The following KAZN variants were observed in gnomAD, a reference collection of about 807,000 sequenced individuals.
The protein encoded by KAZN is kazrin, periplakin interacting protein.
In KAZN, 40 loss-of-function variants were observed where a neutral mutation model predicts 87.4. The observed-to-expected ratio is 0.46, with a 90% CI of 0.36 to 0.60. The LOEUF (loss-of-function observed/expected upper bound fraction) is 0.60. KAZN is among the 20% of genes least tolerant of loss of function. The pLI is 0.00. For synonymous variants in KAZN, 466 were observed against 458.3 expected (o/e 1.02, Z -0.22); for missense variants, 898 against 1,073.9 (o/e 0.84, Z 2.29).
At chr1:14,395,634 G>T (rs1011837336) in intron 2 of KAZN, among the ~76,000 whole-genome samples, 1 of 152,160 alleles carries the variant, frequency 6.6e-6, no homozygotes, top group African/African-American at 2.4e-5. Context: ...GTCCCCTGCT[G>T]GTGCCCTTCA....
At chr1:14,701,286 A>G (rs529042729) in intron 1 of KAZN, among the ~76,000 whole-genome samples, 35 of 152,196 alleles carry the variant, frequency 2.3e-4, no homozygotes, top group African/African-American at 7.9e-4. Flanking sequence ...ATGCCTGGCT[A>G]ATTTTTAAAA....
chr1:14,518,475 C>A (rs567020294), intron 2 of KAZN, among the ~76,000 whole-genome samples: 2 of 152,222 alleles, frequency 1.3e-5, no homozygotes, highest in Non-Finnish European at 2.9e-5. Context: ...CTGCACCCAG[C>A]CTGTTTGAAA....
At position 15,066,490 on chromosome 1, in the gene KAZN, G is replaced by A. The variant is rs995387346; in HGVS notation, c.1222+737G>A. The A allele has an allele frequency of 1.0e-6, 1 of 985,292 alleles. No individual in the cohort carries two copies. The highest frequency in any genetic ancestry group is 1.7e-5 in the African/African-American group (1 of 57,222). 61.0% of individuals were successfully genotyped at this position (985,292 alleles called of 1,614,324 possible). A position where few individuals can be genotyped will look rare whatever the true frequency, so the allele number is the denominator to read the frequency against. On this transcript the variant is annotated intron_variant, in intron 8 of 14. Coordinates refer to ENST00000376030, the MANE Select transcript of KAZN (RefSeq NM_201628.3). The surrounding 1 kb of genome is among the most constrained non-coding windows in gnomAD (Gnocchi z 4.3). Reference sequence around the variant, plus strand: ...AAGGGGCCTTGTCTTGGCTGGGTTTGTCAGAGGTCAAACCGGCTCTTTTAA... The same window carrying A: ...AAGGGGCCTTGTCTTGGCTGGGTTTATCAGAGGTCAAACCGGCTCTTTTAA...
chr1:14,851,285 C>T (rs1200713633), intron 1 of KAZN, among the ~76,000 whole-genome samples: 1 of 152,178 alleles, frequency 6.6e-6, no homozygotes, highest in Non-Finnish European at 1.5e-5. Context: ...GCCCAAGACG[C>T]CGGCTGATGG....
chr1:14,866,961 A>G (rs2101041528), intron 1 of KAZN, among the ~76,000 whole-genome samples: 1 of 152,334 alleles, frequency 6.6e-6, no homozygotes, highest in East Asian at 1.9e-4. Flanking sequence ...GAATGCTGTT[A>G]TTGTCATGGC....
intron 2 of KAZN, among the ~76,000 whole-genome samples, chr1:14,547,234 G>A (rs1557791294): frequency 6.6e-6 from 1 of 152,028 alleles, no homozygotes; most frequent in Non-Finnish European, 1.5e-5. Context: ...TTTGGCCTAT[G>A]TCCTGCCTAT....
At chr1:14,420,401 G>A (rs1027614877) in intron 2 of KAZN, among the ~76,000 whole-genome samples, 6 of 152,162 alleles carry the variant, frequency 3.9e-5, no homozygotes, top group African/African-American at 1.2e-4. Context: ...GTACCCACCC[G>A]ACTCAGGGGC....
chr1:13,906,130 C>A (rs554093829), intron 1 of KAZN, among the ~76,000 whole-genome samples: 2 of 152,184 alleles, frequency 1.3e-5, no homozygotes, highest in Non-Finnish European at 2.9e-5. Context: ...AAAAAAGAGA[C>A]CCTTGTCCCA....
intron 1 of KAZN, among the ~76,000 whole-genome samples, chr1:14,837,839 G>A (rs905417200): frequency 6.6e-6 from 1 of 152,146 alleles, no homozygotes; most frequent in Admixed American, 6.5e-5. Flanking sequence ...ACAGGCGTGA[G>A]CCATGGCACC....
chr1:14,657,209 G>A (rs558033056), intron 1 of KAZN, among the ~76,000 whole-genome samples: 6 of 149,238 alleles, frequency 4.0e-5, no homozygotes, highest in East Asian at 2.0e-4. Context: ...CAGGCTCCCC[G>A]AGTAGCTGGG....
At chr1:14,381,252 T>C (rs1311778870) in intron 2 of KAZN, among the ~76,000 whole-genome samples, 1 of 152,132 alleles carries the variant, frequency 6.6e-6, no homozygotes, top group Non-Finnish European at 1.5e-5. Flanking sequence ...CACTCAGATA[T>C]ATAAAGCAAA....
At chr1:14,245,714 G>C (rs1649436729) in intron 2 of KAZN, among the ~76,000 whole-genome samples, 1 of 152,134 alleles carries the variant, frequency 6.6e-6, no homozygotes, top group Non-Finnish European at 1.5e-5. Flanking sequence ...CCCACCAGCT[G>C]TGTTCCTGTT....
chr1:14,985,898 G>C (rs551665670), intron 2 of KAZN, among the ~76,000 whole-genome samples: 1 of 150,938 alleles, frequency 6.6e-6, no homozygotes, highest in South Asian at 2.1e-4. Flanking sequence ...AGCTACTCAC[G>C]AGGCTGAGGC....
chr1:14,718,524 G>A (rs1054599134), intron 1 of KAZN, among the ~76,000 whole-genome samples: 5 of 152,340 alleles, frequency 3.3e-5, no homozygotes, highest in African/African-American at 1.2e-4. Flanking sequence ...AGGCTCTTGC[G>A]AGAATAATTT....
chr1:14,448,134 C>T (rs988670616), intron 2 of KAZN, among the ~76,000 whole-genome samples: 6 of 152,230 alleles, frequency 3.9e-5, no homozygotes, highest in Admixed American at 3.3e-4. Flanking sequence ...CTGAGACCTG[C>T]TGTAAGCACT....
At chr1:14,032,319 T>C (rs1003303818) in intron 1 of KAZN, among the ~76,000 whole-genome samples, 5 of 152,188 alleles carry the variant, frequency 3.3e-5, no homozygotes, top group Admixed American at 2.6e-4. Flanking sequence ...CTTGTTATCT[T>C]CAAGATACAG....
At chr1:14,391,173 A>G (rs1319826932) in intron 2 of KAZN, among the ~76,000 whole-genome samples, 1 of 152,136 alleles carries the variant, frequency 6.6e-6, no homozygotes, top group African/African-American at 2.4e-5. Context: ...ACTCCAGGGG[A>G]GCCTGAAGTG....
At chr1:14,482,095 A>G (rs1669116399) in intron 2 of KAZN, among the ~76,000 whole-genome samples, 1 of 152,218 alleles carries the variant, frequency 6.6e-6, no homozygotes, top group Non-Finnish European at 1.5e-5. Context: ...AGGAGCATGC[A>G]GCGGTGAGCT....
intron 2 of KAZN, among the ~76,000 whole-genome samples, chr1:14,419,834 G>C (rs746481522): frequency 1.3e-5 from 2 of 152,144 alleles, no homozygotes; most frequent in African/African-American, 4.8e-5. Context: ...GGTCTCGGAA[G>C]TGAAGCCAGA....
Sources: allele counts gnomAD v4.1 joint callset (sites outside exome capture counted in the v4.1 genomes callset), GRCh38; gene constraint gnomAD v4.1.1; non-coding constraint Gnocchi (gnomAD v3.1); transcripts MANE v1.5; gene names NCBI Gene and HGNC (gene_info 2026-07-23, HGNC 2026-07-21).